Variants in TRPC5 observed in about 807,000 individuals in gnomAD.
TRPC5 encodes the protein short transient receptor potential channel 5.
In TRPC5, 9 loss-of-function variants were observed where a neutral mutation model predicts 56.5. The ratio of observed to expected loss-of-function variants is 0.16; its 90% CI spans 0.10 to 0.28. The LOEUF is 0.28. Among genes scored for constraint, TRPC5 ranks in the 10% least tolerant of loss-of-function variants. The pLI, the probability that TRPC5 is intolerant of heterozygous loss-of-function variation, is 1.00. For missense variants in TRPC5, 469 were observed against 748.9 expected, an observed-to-expected ratio of 0.63 and a Z score of 4.36; for synonymous variants, 282 against 278.5, an observed-to-expected ratio of 1.01 and a Z score of -0.13.
At chrX:111,818,941 G>C (rs1387150137) in intron 7 of TRPC5, among the ~76,000 whole-genome samples, 1 of 111,707 alleles carries the variant, frequency 9.0e-6, no homozygotes, top group Non-Finnish European at 1.9e-5. Flanking sequence ...ATAATTGCTT[G>C]ATGAAATGGG....
At chrX:111,789,363 T>G (rs1248316360) in intron 7 of TRPC5, among the ~76,000 whole-genome samples, 2 of 112,199 alleles carry the variant, frequency 1.8e-5, no homozygotes, top group Admixed American at 1.9e-4. Context: ...GCTAGCCATA[T>G]GTAGAAAGCT....
At position 111,835,503 on chromosome X, in the gene TRPC5, T is replaced by C. The variant is rs146881387; in HGVS notation, c.1701-387A>G. Among the ~76,000 whole-genome samples, 67 of 112,304 alleles carry C rather than the reference T, an allele frequency of 6.0e-4. No individual in the cohort carries two copies. The East Asian group carries it at 0.014, about 24-fold the overall frequency. ...CATGCAGTGGTTAAGAATATGGTGCTTGAGGCCAGGAGTGGTGGCTCACGC... is the reference window on the plus strand; with the variant it reads ...CATGCAGTGGTTAAGAATATGGTGCCTGAGGCCAGGAGTGGTGGCTCACGC... On this transcript the variant is annotated intron_variant, in intron 6 of 10. Transcript: ENST00000262839.
chrX:111,988,608 C>T (rs1177209332), intron 1 of TRPC5, among the ~76,000 whole-genome samples: 1 of 110,745 alleles, frequency 9.0e-6, no homozygotes, highest in African/African-American at 3.3e-5. Context: ...GAGTATGGAG[C>T]ATCTTATTCA....
chrX:111,855,418 G>A (rs928396212), intron 3 of TRPC5, among the ~76,000 whole-genome samples: 3 of 111,788 alleles, frequency 2.7e-5, no homozygotes, highest in Non-Finnish European at 1.9e-5. Context: ...ATAACCTGGT[G>A]TGATCTAGGG....
chrX:111,968,718 C>T (rs1244776978), intron 1 of TRPC5, among the ~76,000 whole-genome samples: 2 of 104,277 alleles, frequency 1.9e-5, no homozygotes, highest in African/African-American at 3.5e-5. Flanking sequence ...AGCAAACTAT[C>T]GCAAGGACAA....
intron 7 of TRPC5, among the ~76,000 whole-genome samples, chrX:111,820,934 A>C (rs775778952): frequency 8.9e-6 from 1 of 111,894 alleles, no homozygotes; most frequent in South Asian, 3.8e-4. Flanking sequence ...TAAGGTATTA[A>C]GAGAAAAACC....
intron 1 of TRPC5, among the ~76,000 whole-genome samples, chrX:112,002,466 A>G (rs1158295651): frequency 9.0e-6 from 1 of 111,717 alleles, no homozygotes; most frequent in Non-Finnish European, 1.9e-5. Flanking sequence ...TAGAATCAGC[A>G]TTTCTTTTAT....
intron 3 of TRPC5, among the ~76,000 whole-genome samples, chrX:111,882,915 G>A (rs1254634887): frequency 6.3e-5 from 7 of 111,011 alleles, no homozygotes; most frequent in Admixed American, 2.9e-4. Context: ...GTGAAACCCC[G>A]TCTCTACCAA....
At chrX:111,948,967 G>A (rs758067363) in intron 2 of TRPC5, among the ~76,000 whole-genome samples, 1 of 111,626 alleles carries the variant, frequency 9.0e-6, no homozygotes, top group Non-Finnish European at 1.9e-5. Flanking sequence ...GATCAACCAT[G>A]GAGAAGAGAT....
chrX:111,830,727 C>T (rs1333429326), intron 7 of TRPC5, among the ~76,000 whole-genome samples: 1 of 112,024 alleles, frequency 8.9e-6, no homozygotes, highest in Non-Finnish European at 1.9e-5. Flanking sequence ...AATGAAGCAT[C>T]CCCAGCCATG....
chrX:111,789,692 C>G, intron 7 of TRPC5, among the ~76,000 whole-genome samples: 2 of 112,195 alleles, frequency 1.8e-5, no homozygotes, highest in Middle Eastern at 4.6e-3. Context: ...TATCCAGAAT[C>G]TACAAAGAAC....
At chrX:112,000,033 A>C (rs1343410265) in intron 1 of TRPC5, among the ~76,000 whole-genome samples, 2 of 112,418 alleles carry the variant, frequency 1.8e-5, no homozygotes, top group African/African-American at 6.5e-5. Context: ...TTTCAGGGTT[A>C]AATGAGATAA....
intron 1 of TRPC5, among the ~76,000 whole-genome samples, chrX:111,962,471 C>T (rs892568474): frequency 1.8e-5 from 2 of 112,290 alleles, no homozygotes; most frequent in South Asian, 7.4e-4. Context: ...GGTAAAACTA[C>T]AAGAGAACCA....
At chrX:111,920,120 C>T (rs1926086401) in intron 2 of TRPC5, among the ~76,000 whole-genome samples, 1 of 110,813 alleles carries the variant, frequency 9.0e-6, no homozygotes, top group Admixed American at 9.6e-5. Context: ...ACTAAAAATA[C>T]AAAAATTAGC....
At chrX:112,074,805 G>A (rs1025613013) in intron 1 of TRPC5, among the ~76,000 whole-genome samples, 2 of 112,195 alleles carry the variant, frequency 1.8e-5, no homozygotes, top group African/African-American at 6.5e-5. Context: ...CACACTGAGC[G>A]AATATTCGCC....
In TRPC5 at chrX:111,912,427, A is replaced by C; in HGVS notation, c.764T>G (p.Leu255Arg). 8.3e-7 allele frequency: 1 copy of C among 1,211,765 alleles called. No homozygotes were observed. The highest frequency in any genetic ancestry group is 1.1e-6 in the Non-Finnish European group (1 of 895,566). The change falls in exon 3 of 11, where the codon CTG (leucine) becomes CGG (arginine). Residue 255 changes from leucine to arginine, a missense_variant. Transcript: ENST00000262839. ...SQQCKLFAKD[L>R]LDQARSSREL... The stretch of plus-strand genomic sequence containing the variant: ...CCTGGAGCTCCGAGCTTGGTCCAGC[A>C]GGTCTTTGGCAAAGAGCTTGCACTG...
intron 2 of TRPC5, among the ~76,000 whole-genome samples, chrX:111,930,269 GA>G (rs1926372950): frequency 9.0e-6 from 1 of 110,928 alleles, no homozygotes; most frequent in Non-Finnish European, 1.9e-5. Flanking sequence ...CCAACATGAA[GA>G]AACCCCGTCT....
chrX:112,072,747 A>G (rs1040895301), intron 1 of TRPC5, among the ~76,000 whole-genome samples: 5 of 111,703 alleles, frequency 4.5e-5, no homozygotes, highest in African/African-American at 1.6e-4. Flanking sequence ...TATGTGGGTG[A>G]TTTGAACATT....
At chrX:111,851,933 G>GAGA (rs1923096505) in intron 5 of TRPC5, among the ~76,000 whole-genome samples, 1 of 111,972 alleles carries the variant, frequency 8.9e-6, no homozygotes, top group Admixed American at 9.5e-5. Context: ...CAAGGATTAA[G>GAGA]AGAAGCTTTT....
Sources: allele counts gnomAD v4.1 joint callset (sites outside exome capture counted in the v4.1 genomes callset), GRCh38; gene constraint gnomAD v4.1.1; transcripts MANE v1.5; gene names NCBI Gene and HGNC (gene_info 2026-07-23, HGNC 2026-07-21).